The following ADAMTSL1 variants were observed in gnomAD, a reference collection of about 807,000 sequenced individuals.
ADAMTSL1 encodes the protein ADAMTS like 1, also known as ADAMTS-like protein 1.
In ADAMTSL1, 126 loss-of-function variants were observed where a neutral mutation model predicts 201.8. The observed-to-expected ratio is 0.62, with a 90% confidence interval of 0.54 to 0.72. The LOEUF (loss-of-function observed/expected upper bound fraction) is 0.72. ADAMTSL1 is among the 30% of genes least tolerant of loss of function. The probability of loss-of-function intolerance (pLI) is 0.00; values close to 1 mark genes in which losing one functional copy is unlikely to be tolerated. For synonymous variants in ADAMTSL1, 1,121 were observed against 903.4 expected, an observed-to-expected ratio of 1.24 and a Z score of -4.32; for missense variants, 2,679 against 2,277.8, an observed-to-expected ratio of 1.18 and a Z score of -3.59.
chr9:18,264,495 T>C (rs1368464364), intron 2 of ADAMTSL1, among the ~76,000 whole-genome samples: 2 of 152,104 alleles, frequency 1.3e-5, no homozygotes, highest in Non-Finnish European at 2.9e-5. Flanking sequence ...TGGGGAGTGA[T>C]GTCCACAGAT....
At position 18,128,098 on chromosome 9, in the gene ADAMTSL1, T is replaced by C. The variant is rs145222034; in HGVS notation, c.88-35764T>C. Among the ~76,000 whole-genome samples, 35 of 152,296 alleles carry C rather than the reference T, an allele frequency of 2.3e-4. No homozygotes were observed. In the East Asian group the frequency reaches 6.4e-3, roughly 28 times the overall value. ...TAGTTGCATAAAGTTGCCAAATAGTTTGTGATATACTGAGTCAGAATTTTA... is the reference window on the plus strand; with the variant it reads ...TAGTTGCATAAAGTTGCCAAATAGTCTGTGATATACTGAGTCAGAATTTTA... On this transcript the variant is annotated intron_variant, in intron 1 of 29. Transcript: ENST00000680146.
chr9:18,186,458 C>T (rs1249342215), intron 2 of ADAMTSL1, among the ~76,000 whole-genome samples: 8 of 152,054 alleles, frequency 5.3e-5, no homozygotes, highest in African/African-American at 1.9e-4. Flanking sequence ...GCTTTGTTGC[C>T]TAGTCCCTAC....
At chr9:18,488,769 T>C (rs1017232499) in intron 1 of ADAMTSL1, among the ~76,000 whole-genome samples, 10 of 152,144 alleles carry the variant, frequency 6.6e-5, no homozygotes, top group African/African-American at 2.4e-4. Context: ...GAAACCAACC[T>C]CTTGTCTTTC....
chr9:18,038,156 A>G (rs921299381), intron 1 of ADAMTSL1, among the ~76,000 whole-genome samples: 1 of 152,158 alleles, frequency 6.6e-6, no homozygotes, highest in African/African-American at 2.4e-5. Context: ...CTGAAGCGTC[A>G]ACCACACCTC....
At chr9:18,492,118 T>G (rs1822297441) in intron 1 of ADAMTSL1, among the ~76,000 whole-genome samples, 1 of 152,140 alleles carries the variant, frequency 6.6e-6, no homozygotes, top group Non-Finnish European at 1.5e-5. Flanking sequence ...TTTAAAAAAC[T>G]AAGTTACACA....
chr9:18,138,168 G>T (rs567890877), intron 1 of ADAMTSL1, among the ~76,000 whole-genome samples: 37 of 152,272 alleles, frequency 2.4e-4, no homozygotes, highest in African/African-American at 8.4e-4. Flanking sequence ...CACCTCATGG[G>T]AGTATGGCGA....
intron 2 of ADAMTSL1, among the ~76,000 whole-genome samples, chr9:18,324,391 G>A (rs7858392): frequency 0.2 from 30,640 of 149,938 alleles, 4,043 homozygotes; most frequent in African/African-American, 0.38. Context: ...GAGTATCATT[G>A]TGAAACAGAA....
At chr9:18,036,180 G>A (rs1338435324) in intron 1 of ADAMTSL1, among the ~76,000 whole-genome samples, 1 of 152,150 alleles carries the variant, frequency 6.6e-6, no homozygotes, top group African/African-American at 2.4e-5. Context: ...ATACTTTAAA[G>A]CATTACTGGT....
At chr9:18,402,056 T>A (rs1025901416) in intron 2 of ADAMTSL1, among the ~76,000 whole-genome samples, 1 of 152,228 alleles carries the variant, frequency 6.6e-6, no homozygotes, top group Admixed American at 6.5e-5. Flanking sequence ...CTTCCCACTC[T>A]TCTCATTCCT....
intron 5 of ADAMTSL1, among the ~76,000 whole-genome samples, chr9:18,625,549 C>T (rs561175974): frequency 2.0e-5 from 3 of 152,226 alleles, no homozygotes; most frequent in East Asian, 3.9e-4. Flanking sequence ...AGCACTCAGC[C>T]TTTTCATTTT....
intron 2 of ADAMTSL1, among the ~76,000 whole-genome samples, chr9:18,302,752 T>G (rs939046370): frequency 6.6e-6 from 1 of 152,224 alleles, no homozygotes; most frequent in Non-Finnish European, 1.5e-5. Context: ...ATGGTAAGAT[T>G]AAGCATAAGG....
At chr9:18,196,023 C>G (rs1259887486) in intron 2 of ADAMTSL1, among the ~76,000 whole-genome samples, 2 of 152,052 alleles carry the variant, frequency 1.3e-5, no homozygotes, top group Non-Finnish European at 1.5e-5. Context: ...TCTGTTAGGA[C>G]TGGTCAAATA....
At chr9:18,845,776 C>T (rs990890371) in intron 23 of ADAMTSL1, among the ~76,000 whole-genome samples, 1 of 152,210 alleles carries the variant, frequency 6.6e-6, no homozygotes, top group Non-Finnish European at 1.5e-5. Context: ...TTCTCCAACA[C>T]TGAGGTTAAG....
At chr9:18,310,293 T>G (rs1184639218) in intron 2 of ADAMTSL1, among the ~76,000 whole-genome samples, 1 of 125,716 alleles carries the variant, frequency 8.0e-6, no homozygotes, top group Non-Finnish European at 1.6e-5. Flanking sequence ...ACTTCATGAC[T>G]AAAACACCAA....
intron 2 of ADAMTSL1, among the ~76,000 whole-genome samples, chr9:18,413,420 C>T (rs868090574): frequency 1.1e-4 from 17 of 152,134 alleles, no homozygotes; most frequent in African/African-American, 3.9e-4. Flanking sequence ...CCGCCTCAGC[C>T]TCCCAAACTG....
chr9:17,955,796 A>T (rs1294020512), intron 1 of ADAMTSL1, among the ~76,000 whole-genome samples: 1 of 152,118 alleles, frequency 6.6e-6, no homozygotes, highest in Non-Finnish European at 1.5e-5. Flanking sequence ...ATTTTATCAT[A>T]GTATGTACGT....
At chr9:18,085,502 G>GTGTGTGCATATATATATATACTC (rs1184576396) in intron 1 of ADAMTSL1, among the ~76,000 whole-genome samples, 3 of 150,252 alleles carry the variant, frequency 2.0e-5, no homozygotes, top group Admixed American at 6.6e-5. Flanking sequence ...TATATATACT[G>GTGTGTGCATATATATATATACTC]TGTGTGCATA....
intron 1 of ADAMTSL1, among the ~76,000 whole-genome samples, chr9:18,002,694 A>G (rs1188814374): frequency 6.6e-6 from 1 of 152,052 alleles, no homozygotes; most frequent in Non-Finnish European, 1.5e-5. Flanking sequence ...TAATTCATAT[A>G]ATACACTCAG....
intron 4 of ADAMTSL1, among the ~76,000 whole-genome samples, chr9:18,588,074 C>G (rs1484768832): frequency 6.6e-6 from 1 of 152,132 alleles, no homozygotes; most frequent in African/African-American, 2.4e-5. Flanking sequence ...GAGTGTACTA[C>G]TTCACATTCC....
Sources: gnomAD v4.1 joint callset for allele counts (sites outside exome capture counted in the v4.1 genomes callset) on GRCh38, gnomAD v4.1.1 for gene constraint, MANE v1.5 for transcripts, NCBI Gene and HGNC (gene_info 2026-07-23, HGNC 2026-07-21) for gene names.